PHF24: variants seen among roughly 807,000 people sequenced by gnomAD.
PHF24 encodes Galpha inhibitory interacting protein.
A neutral mutation model predicts 42.6 loss-of-function variants in PHF24; 25 were observed. The observed-to-expected ratio is 0.59, with a 90% CI of 0.43 to 0.82. The LOEUF (loss-of-function observed/expected upper bound fraction) is 0.82, where lower values mean the gene tolerates loss of function less well. Ranked by LOEUF, PHF24 falls within the 40% of genes least tolerant of loss-of-function variation. The pLI is 0.00. For synonymous variants in PHF24, 185 were observed against 204.8 expected (o/e 0.90, Z 0.83); for missense variants, 470 against 538.1 (o/e 0.87, Z 1.25).
the PHF24 span, among the ~76,000 whole-genome samples, chr9:34,754,212 G>T: frequency 3.9e-5 from 6 of 152,038 alleles, no homozygotes; most frequent in African/African-American, 1.2e-4. Flanking sequence ...ACAAAGTGAA[G>T]AGACAACCCA....
the PHF24 span, among the ~76,000 whole-genome samples, chr9:34,874,897 G>T: frequency 6.6e-6 from 1 of 152,102 alleles, no homozygotes; most frequent in Non-Finnish European, 1.5e-5. Flanking sequence ...ATATGAAATA[G>T]GCACGTCATG....
chr9:34,723,719 T>G, the PHF24 span: 1 of 1,551,724 alleles, frequency 6.4e-7, no homozygotes, highest in East Asian at 2.4e-5. Context: ...CTGAGTTGGT[T>G]GGCTCAGGAA....
At chr9:34,734,800 T>A in the PHF24 span, among the ~76,000 whole-genome samples, 2 of 151,852 alleles carry the variant, frequency 1.3e-5, no homozygotes, top group Non-Finnish European at 2.9e-5. Context: ...AAACAGAATC[T>A]CCCCACCCTG....
the PHF24 span, among the ~76,000 whole-genome samples, chr9:34,767,257 C>T: frequency 6.6e-6 from 1 of 152,234 alleles, no homozygotes; most frequent in East Asian, 1.9e-4. Flanking sequence ...ACATTTAAGT[C>T]TGCAGAGGTT....
At chr9:34,857,227 T>G in the PHF24 span, among the ~76,000 whole-genome samples, 2 of 152,202 alleles carry the variant, frequency 1.3e-5, no homozygotes, top group Admixed American at 6.5e-5. Flanking sequence ...GGTCTTAACT[T>G]GTGAGGTGCC....
chr9:34,976,654 C>T (rs772330281), exon 5 of PHF24: 1 of 1,614,224 alleles, frequency 6.2e-7, no homozygotes, highest in Non-Finnish European at 8.5e-7. Context: ...GTTTGCTGCC[C>T]TGGACCCTGA....
the PHF24 span, among the ~76,000 whole-genome samples, chr9:34,826,747 A>G: frequency 6.6e-6 from 1 of 152,154 alleles, no homozygotes; most frequent in Admixed American, 6.5e-5. Flanking sequence ...TCACCATGAC[A>G]TGTTGTTACC....
At chr9:34,670,913 C>CA in the PHF24 span, among the ~76,000 whole-genome samples, 1 of 152,178 alleles carries the variant, frequency 6.6e-6, no homozygotes. Flanking sequence ...CCAGATTCTC[C>CA]AGACCTCCCT....
At chr9:34,680,666 C>G in the PHF24 span, among the ~76,000 whole-genome samples, 1 of 140,218 alleles carries the variant, frequency 7.1e-6, no homozygotes, top group Non-Finnish European at 1.5e-5. Context: ...CCAGCCTGGG[C>G]GACAGAGCGA....
At chr9:34,938,638 A>G in the PHF24 span, among the ~76,000 whole-genome samples, 3 of 152,194 alleles carry the variant, frequency 2.0e-5, no homozygotes, top group African/African-American at 7.2e-5. Context: ...TAAAAAAGCC[A>G]TGAGCCTGTT....
intron 1 of PHF24, among the ~76,000 whole-genome samples, chr9:34,969,631 ACT>A (rs1826902098): frequency 6.8e-6 from 1 of 147,064 alleles, no homozygotes; most frequent in Non-Finnish European, 1.5e-5. Context: ...ACAGAGCGAG[ACT>A]CTGTCTCAAA....
At chr9:34,719,610 G>T in the PHF24 span, among the ~76,000 whole-genome samples, 5 of 152,174 alleles carry the variant, frequency 3.3e-5, no homozygotes, top group South Asian at 1.0e-3. Flanking sequence ...AGCAGCATGA[G>T]CCCATGCTGG....
At chr9:34,731,505 A>G in the PHF24 span, among the ~76,000 whole-genome samples, 1 of 151,730 alleles carries the variant, frequency 6.6e-6, no homozygotes, top group South Asian at 2.1e-4. Context: ...CCATGAGTTC[A>G]ATTGTTTTAA....
At chr9:34,759,390 T>G in the PHF24 span, among the ~76,000 whole-genome samples, 1 of 152,172 alleles carries the variant, frequency 6.6e-6, no homozygotes, top group Admixed American at 6.5e-5. Flanking sequence ...TTTTCCCTCT[T>G]TTCCTGAGTG....
the PHF24 span, among the ~76,000 whole-genome samples, chr9:34,875,283 ATTC>A: frequency 2.6e-5 from 4 of 152,220 alleles, no homozygotes; most frequent in African/African-American, 7.2e-5. Flanking sequence ...ACTCCACAAT[ATTC>A]TTCTTGTCTT....
At chr9:34,833,203 G>T in the PHF24 span, 3 of 1,537,138 alleles carry the variant, frequency 2.0e-6, no homozygotes, top group Admixed American at 2.0e-5. Flanking sequence ...CCTTGCTCTT[G>T]CTAGGGCTTT....
Position 34,969,901 on chromosome 9 carries a change from A to AC in PHF24, c.-4-1392dup, listed in dbSNP as rs1808865125. ...TTTTCCCCCAAACAAACTGAGCATA[A>AC]CCGCCTGTGCATCCTTCAAGGTCCA... On this transcript the variant is annotated intron_variant, in intron 1 of 7. Coordinates refer to ENST00000242315, the Ensembl canonical transcript of PHF24. 2.0e-5 allele frequency among the ~76,000 whole-genome samples: 3 copies of AC among 152,176 alleles called. No individual in the cohort carries two copies. In the East Asian group the frequency reaches 5.8e-4, roughly 29 times the overall value.
At chr9:34,903,600 T>A in the PHF24 span, among the ~76,000 whole-genome samples, 27 of 152,304 alleles carry the variant, frequency 1.8e-4, no homozygotes, top group African/African-American at 6.0e-4. Flanking sequence ...GTAAATTTTT[T>A]AAAAACAGGA....
At chr9:34,960,088 GC>G (rs1826537917) in intron 1 of PHF24, among the ~76,000 whole-genome samples, 1 of 152,142 alleles carries the variant, frequency 6.6e-6, no homozygotes, top group African/African-American at 2.4e-5. Context: ...TCCTCATCTC[GC>G]CCCCTCGTTG....
Sources: gnomAD v4.1 joint callset for allele counts (sites outside exome capture counted in the v4.1 genomes callset) on GRCh38, gnomAD v4.1.1 for gene constraint, MANE v1.5 for transcripts, NCBI Gene and HGNC (gene_info 2026-07-23, HGNC 2026-07-21) for gene names.